XPO7: variants seen among roughly 807,000 people sequenced by gnomAD.
The protein encoded by XPO7 is exportin-7.
XPO7 carries 21 observed loss-of-function variants against 144.3 expected under a neutral mutation model. The observed-to-expected ratio is 0.15, with a 90% CI of 0.10 to 0.21. The LOEUF (loss-of-function observed/expected upper bound fraction) is 0.21, where lower values mean the gene tolerates loss of function less well. Ranked by LOEUF, XPO7 falls within the 10% of genes least tolerant of loss-of-function variation. XPO7 has a pLI of 1.00. For missense variants in XPO7, 808 were observed against 1,325.8 expected (o/e 0.61, Z 6.06); for synonymous variants, 580 against 499.6 (o/e 1.16, Z -2.15).
chr8:21,925,904 C>G (rs555696980), intron 1 of XPO7, among the ~76,000 whole-genome samples: 1 of 152,212 alleles, frequency 6.6e-6, no homozygotes, highest in Non-Finnish European at 1.5e-5. Context: ...CGCCTAATTT[C>G]TTAAACTCCC....
At chr8:21,936,782 G>A (rs546608035) in intron 1 of XPO7, among the ~76,000 whole-genome samples, 28 of 152,162 alleles carry the variant, frequency 1.8e-4, no homozygotes, top group African/African-American at 6.5e-4. Flanking sequence ...TTAGTGGCCA[G>A]TGTGAAACAC....
chr8:21,925,894 C>T (rs964443497), intron 1 of XPO7, among the ~76,000 whole-genome samples: 5 of 152,292 alleles, frequency 3.3e-5, no homozygotes, highest in East Asian at 3.9e-4. Context: ...CTCTTCTTTA[C>T]GCCTAATTTC....
chr8:21,929,596 T>C (rs1221892415), intron 1 of XPO7, among the ~76,000 whole-genome samples: 1 of 152,204 alleles, frequency 6.6e-6, no homozygotes, highest in Non-Finnish European at 1.5e-5. Flanking sequence ...TGAAATCACT[T>C]TTTCCTGGTG....
chr8:21,959,888 C>T (rs939043466), intron 1 of XPO7, among the ~76,000 whole-genome samples: 9 of 152,314 alleles, frequency 5.9e-5, no homozygotes, highest in African/African-American at 2.2e-4. Context: ...CGGTATCTAA[C>T]GATCCAGTAT....
intron 1 of XPO7, among the ~76,000 whole-genome samples, chr8:21,952,348 C>T (rs1563318933): frequency 6.6e-6 from 1 of 151,696 alleles, no homozygotes; most frequent in Non-Finnish European, 1.5e-5. Context: ...GATTGAGCTG[C>T]AGGAACTTAT....
In XPO7 at chr8:21,925,893, A is replaced by G. The variant is rs1339318768; in HGVS notation, c.18+6105A>G. Among the ~76,000 whole-genome samples, 3 of 152,170 alleles carry G rather than the reference A, an allele frequency of 2.0e-5. No individual in the cohort carries two copies. The East Asian group carries it at 5.8e-4, about 29-fold the overall frequency. On this transcript the variant is annotated intron_variant, in intron 1 of 27. Coordinates refer to ENST00000252512, the MANE Select transcript of XPO7 (RefSeq NM_015024.5). Reference sequence around the variant, plus strand: ...TCTTAAATATATCTTCCTCTTCTTTACGCCTAATTTCTTAAACTCCCAGAG... The same window carrying G: ...TCTTAAATATATCTTCCTCTTCTTTGCGCCTAATTTCTTAAACTCCCAGAG...
chr8:21,967,417 A>T (rs1439340241), intron 2 of XPO7, among the ~76,000 whole-genome samples: 1 of 151,552 alleles, frequency 6.6e-6, no homozygotes, highest in Non-Finnish European at 1.5e-5. Context: ...TGCAACCTCC[A>T]CCTCCCGGGT....
chr8:21,977,810 G>A lies in XPO7; in HGVS notation c.804G>A (p.Leu268=), dbSNP rs764457297. 9.3e-6 allele frequency: 15 copies of A among 1,613,894 alleles called. No individual in the cohort carries two copies. Among genetic ancestry groups the A allele is most frequent in the Non-Finnish European group, 1.2e-5 (14 of 1,179,862 alleles). The stretch of plus-strand genomic sequence containing the variant: ...CAACCTTGCAGCTGTTTTTTGACCT[G>A]TATCATTCCATCCCTCCTTCATTTT... ...DSSTLQLFFD[L]YHSIPPSFSP... is the part of the protein sequence containing the mutation. Residue 268 remains leucine, a synonymous_variant, in exon 8 of 28, where the codon CTG becomes CTA. Transcript: ENST00000252512.
chr8:21,976,250 C>T, intron 6 of XPO7, 106 bp from the exon 7 acceptor site: 3 of 1,275,496 alleles, frequency 2.4e-6, no homozygotes, highest in Admixed American at 2.0e-5. Flanking sequence ...TTTTACTGTG[C>T]TAACATATAG....
rs1241890710 is a variant in XPO7, at chr8:21,990,347, C to T, written c.1872C>T (p.Tyr624=). 6.2e-7 allele frequency: 1 copy of T among 1,613,634 alleles called. No homozygotes were observed. The highest frequency in any genetic ancestry group is 8.5e-7 in the Non-Finnish European group (1 of 1,179,608). ...LQLLNDLSIG[Y]SSVRKLVKLS... ...GACCTTCTTCCTTTGTCTTCACGTACAGTAGCGTAAGGAAGCTAGTGAAGC... is the reference window on the plus strand; with the variant it reads ...GACCTTCTTCCTTTGTCTTCACGTATAGTAGCGTAAGGAAGCTAGTGAAGC... Residue 624 remains tyrosine (Y), a synonymous_variant, in exon 17 of 28, where the codon TAC becomes TAT. Transcript: ENST00000252512.
At chr8:21,919,883 C>G (rs935735179) in intron 1 of XPO7, 95 bp downstream of exon 1, 1 of 297,976 alleles carries the variant, frequency 3.4e-6, no homozygotes, top group Non-Finnish European at 6.4e-6. Context: ...CGGCTCGGGA[C>G]TCGGCAGGCC....
chr8:21,959,047 A>G (rs1811635377), intron 1 of XPO7, among the ~76,000 whole-genome samples: 3 of 151,990 alleles, frequency 2.0e-5, no homozygotes, highest in Admixed American at 2.0e-4. Context: ...ATTGTTGACC[A>G]CTCTGTCCAC....
At chr8:21,944,765 T>G (rs4311656) in intron 1 of XPO7, among the ~76,000 whole-genome samples, 54,375 of 151,740 alleles carry the variant, frequency 0.36, 10,275 homozygotes, top group Non-Finnish European at 0.42. Flanking sequence ...GCCTTCCGCA[T>G]TGTTTGTGTC....
intron 4 of XPO7, among the ~76,000 whole-genome samples, chr8:21,970,606 G>A (rs1055661528): frequency 3.9e-5 from 6 of 151,982 alleles, no homozygotes; most frequent in Admixed American, 6.6e-5. Context: ...CATTTCTTTC[G>A]AGTGTTAAAT....
chr8:21,941,539 G>A (rs143965602), intron 1 of XPO7, among the ~76,000 whole-genome samples: 1 of 152,204 alleles, frequency 6.6e-6, no homozygotes, highest in East Asian at 1.9e-4. Context: ...GTATTGTTTC[G>A]GGAATAATGA....
Position 21,969,542 on chromosome 8 carries a change from C to T in XPO7, c.225C>T (p.Asn75=), listed in dbSNP as rs1811985955. Residue 75 remains asparagine, a synonymous_variant, in exon 3 of 28, where the codon AAC becomes AAT. Transcript: ENST00000252512. The part of the protein sequence containing the change: ...TCLTKLVSRT[N]NPLPLEQRID... Reference sequence around the variant, plus strand: ...TTACCAAGCTTGTATCACGCACAAACAACCCCCTACCATTGGAACAGCGAA... The same window carrying T: ...TTACCAAGCTTGTATCACGCACAAATAACCCCCTACCATTGGAACAGCGAA... The T allele has an allele frequency of 1.2e-6, 2 of 1,613,686 alleles. No homozygotes were observed. Among genetic ancestry groups the T allele is most frequent in the African/African-American group, 1.3e-5 (1 of 74,910 alleles).
chr8:21,971,478 T>C (rs1812061709), intron 4 of XPO7, among the ~76,000 whole-genome samples: 1 of 152,256 alleles, frequency 6.6e-6, no homozygotes, highest in Admixed American at 6.5e-5. Context: ...TGTTTTTCTG[T>C]GAACTTCTAT....
intron 1 of XPO7, among the ~76,000 whole-genome samples, chr8:21,930,772 A>G (rs1451045783): frequency 1.3e-5 from 2 of 152,234 alleles, no homozygotes; most frequent in African/African-American, 4.8e-5. Context: ...GAAGTTGATT[A>G]TCTGTTATCA....
chr8:22,000,529 T>A (rs563667773), intron 24 of XPO7, among the ~76,000 whole-genome samples: 1 of 147,958 alleles, frequency 6.8e-6, no homozygotes, highest in African/African-American at 2.5e-5. Flanking sequence ...CTCAGCTCAC[T>A]GCAACCTCTG....
Sources: allele counts gnomAD v4.1 joint callset (sites outside exome capture counted in the v4.1 genomes callset), GRCh38; gene constraint gnomAD v4.1.1; transcripts MANE v1.5; gene names NCBI Gene and HGNC (gene_info 2026-07-23, HGNC 2026-07-21).